The following ADGRL2 variants were observed in gnomAD, a reference collection of about 807,000 sequenced individuals.
ADGRL2 encodes the protein calcium-independent alpha-latrotoxin receptor 2.
In ADGRL2, 44 loss-of-function variants were observed where a neutral mutation model predicts 157.4. That is an observed-to-expected ratio of 0.28 (90% CI 0.22 to 0.36). The LOEUF (loss-of-function observed/expected upper bound fraction) is 0.36, where lower values mean the gene tolerates loss of function less well. Among genes scored for constraint, ADGRL2 ranks in the 10% least tolerant of loss-of-function variants. The pLI is 1.00. For synonymous variants in ADGRL2, 585 were observed against 624.7 expected, an observed-to-expected ratio of 0.94 and a Z score of 0.95; for missense variants, 1,510 against 1,768.9, an observed-to-expected ratio of 0.85 and a Z score of 2.63.
intron 3 of ADGRL2, among the ~76,000 whole-genome samples, chr1:81,620,028 C>T (rs929335413): frequency 6.6e-6 from 1 of 152,090 alleles, no homozygotes; most frequent in African/African-American, 2.4e-5. Context: ...TTACCTAGTA[C>T]TTGATAATAA....
At chr1:81,505,401 G>A (rs1384765185) in intron 2 of ADGRL2, among the ~76,000 whole-genome samples, 1 of 150,792 alleles carries the variant, frequency 6.6e-6, no homozygotes, top group African/African-American at 2.5e-5. Context: ...ACAAAGGATG[G>A]ACTCTTCCCA....
At chr1:81,312,485 T>C (rs1469276874) in intron 1 of ADGRL2, among the ~76,000 whole-genome samples, 1 of 152,206 alleles carries the variant, frequency 6.6e-6, no homozygotes, top group African/African-American at 2.4e-5. Context: ...TTTCCCCTTC[T>C]GGGTGCCAGG....
At chr1:81,715,178 AATT>A (rs769468155) in intron 1 of ADGRL2, among the ~76,000 whole-genome samples, 32 of 62,670 alleles carry the variant, frequency 5.1e-4, no homozygotes, top group South Asian at 1.4e-3. Context: ...TAATTTAGTA[AATT>A]TTTTTTTTTT....
At chr1:81,830,798 C>T (rs186806952) in intron 1 of ADGRL2, among the ~76,000 whole-genome samples, 42 of 152,260 alleles carry the variant, frequency 2.8e-4, no homozygotes, top group Admixed American at 1.3e-3. Flanking sequence ...TGAGCCACCG[C>T]GCCTGGCCAA....
intron 10 of ADGRL2, among the ~76,000 whole-genome samples, chr1:81,954,367 T>C (rs1652801788): frequency 6.6e-6 from 1 of 152,126 alleles, no homozygotes; most frequent in Non-Finnish European, 1.5e-5. Flanking sequence ...GTATATGGAG[T>C]AAATTTCAGC....
intron 2 of ADGRL2, among the ~76,000 whole-genome samples, chr1:81,869,693 A>G (rs565781987): frequency 2.9e-4 from 44 of 150,438 alleles, no homozygotes; most frequent in African/African-American, 1.1e-3. Context: ...AAAACTGTTG[A>G]TTAAATGTAT....
At chr1:81,378,598 A>G (rs2076292322) in intron 1 of ADGRL2, among the ~76,000 whole-genome samples, 1 of 150,862 alleles carries the variant, frequency 6.6e-6, no homozygotes, top group Non-Finnish European at 1.5e-5. Flanking sequence ...CCCCGGTTCA[A>G]ACTGTAGTTC....
intron 1 of ADGRL2, among the ~76,000 whole-genome samples, chr1:81,420,430 G>A (rs2077104605): frequency 6.6e-6 from 1 of 152,122 alleles, no homozygotes; most frequent in Non-Finnish European, 1.5e-5. Flanking sequence ...CCACAATAAT[G>A]AAAGCAAATA....
chr1:81,671,074 C>T (rs896549776), intron 3 of ADGRL2, among the ~76,000 whole-genome samples: 11 of 152,182 alleles, frequency 7.2e-5, no homozygotes, highest in Admixed American at 2.0e-4. Flanking sequence ...AGAGTGCAAA[C>T]GGAGGCCCCA....
At chr1:81,670,213 C>A (rs1032962263) in intron 3 of ADGRL2, among the ~76,000 whole-genome samples, 2 of 152,134 alleles carry the variant, frequency 1.3e-5, no homozygotes, top group African/African-American at 4.8e-5. Context: ...GATTGTAGTT[C>A]AGCTTATTTT....
chr1:81,360,574 T>C (rs2075959802), intron 1 of ADGRL2, among the ~76,000 whole-genome samples: 1 of 152,000 alleles, frequency 6.6e-6, no homozygotes, highest in Non-Finnish European at 1.5e-5. Context: ...TTGTTTTTAG[T>C]ATCTTTTTAA....
intron 1 of ADGRL2, among the ~76,000 whole-genome samples, chr1:81,758,188 G>A (rs540125266): frequency 6.6e-6 from 1 of 152,230 alleles, no homozygotes; most frequent in East Asian, 1.9e-4. Flanking sequence ...GAAAAGCTCT[G>A]GGCCCTTAAT....
At chr1:81,970,146 A>G (rs1284370379) in intron 15 of ADGRL2, among the ~76,000 whole-genome samples, 168 bp from the exon 16 acceptor site, 1 of 152,162 alleles carries the variant, frequency 6.6e-6, no homozygotes, top group Non-Finnish European at 1.5e-5. Flanking sequence ...CAGGGTTTTT[A>G]GCTTGTTTCC....
chr1:81,490,649 A>G lies in ADGRL2; in HGVS notation c.-248+45560A>G, dbSNP rs1410436872. Among the ~76,000 whole-genome samples the G allele has an allele frequency of 2.0e-5, 3 of 152,188 alleles. No homozygotes were observed. The East Asian group carries it at 5.8e-4, about 29-fold the overall frequency. ...AGTTTTTTAAAGAAATGTTTTAATA[A>G]CAATACCAATGATGTACAGGGATGT... On this transcript the variant is annotated intron_variant, in intron 2 of 24. Coordinates refer to the ADGRL2 transcript ENST00000370721.
intron 2 of ADGRL2, among the ~76,000 whole-genome samples, chr1:81,558,297 T>C (rs1285397679): frequency 1.3e-5 from 2 of 152,082 alleles, no homozygotes; most frequent in Admixed American, 6.5e-5. Flanking sequence ...TAAGAACAAA[T>C]ATAAGAACAT....
chr1:81,404,509 G>A (rs1057047704), intron 1 of ADGRL2, among the ~76,000 whole-genome samples: 2 of 152,074 alleles, frequency 1.3e-5, no homozygotes, highest in Admixed American at 6.6e-5. Context: ...ATGCTATTGG[G>A]CCAAGGCAAA....
intron 1 of ADGRL2, among the ~76,000 whole-genome samples, chr1:81,361,170 T>C (rs2075971935): frequency 6.6e-6 from 1 of 151,934 alleles, no homozygotes; most frequent in Non-Finnish European, 1.5e-5. Flanking sequence ...GTTAGATGAT[T>C]CACTGGGCTA....
At chr1:81,766,932 C>T (rs1243051701) in intron 2 of ADGRL2, among the ~76,000 whole-genome samples, 1 of 151,920 alleles carries the variant, frequency 6.6e-6, no homozygotes, top group Non-Finnish European at 1.5e-5. Context: ...TTATAATGCC[C>T]TTTCAAGCTT....
intron 1 of ADGRL2, among the ~76,000 whole-genome samples, chr1:81,835,291 C>T (rs138162743): frequency 1.3e-5 from 2 of 152,176 alleles, no homozygotes; most frequent in African/African-American, 4.8e-5. Context: ...TTCATCCACG[C>T]GTTTACATTA....
Sources: gnomAD v4.1 joint callset for allele counts (sites outside exome capture counted in the v4.1 genomes callset) on GRCh38, gnomAD v4.1.1 for gene constraint, MANE v1.5 for transcripts, NCBI Gene and HGNC (gene_info 2026-07-23, HGNC 2026-07-21) for gene names.